The following CERT1 variants were observed in gnomAD, a reference collection of about 807,000 sequenced individuals.
CERT1 encodes the protein ceramide transporter 1.
A neutral mutation model predicts 87.9 loss-of-function variants in CERT1; 31 were observed. The observed-to-expected ratio is 0.35, with a 90% CI of 0.27 to 0.48. CERT1 has a LOEUF of 0.48. Among genes scored for constraint, CERT1 ranks in the 20% least tolerant of loss-of-function variants. CERT1 has a pLI of 0.99. For missense variants in CERT1, 487 were observed against 758.0 expected (o/e 0.64, Z 4.20); for synonymous variants, 289 against 250.9 (o/e 1.15, Z -1.44).
At chr5:75,497,733 C>T (rs929903439) in intron 2 of CERT1, among the ~76,000 whole-genome samples, 3 of 152,058 alleles carry the variant, frequency 2.0e-5, no homozygotes, top group African/African-American at 4.8e-5. Flanking sequence ...AAACTCTTTT[C>T]TTTATAAAAA....
At position 75,434,186 on chromosome 5, in the gene CERT1, G is replaced by GTT. The variant is rs370209071; in HGVS notation, c.349-7710_349-7709dup. On this transcript the variant is annotated intron_variant, in intron 3 of 16. Coordinates refer to ENST00000643780, the MANE Select transcript of CERT1 (RefSeq NM_001379029.1). ...TTCCTTCAATGCCTAGTTTGTTGAG[G>GTT]TTTTTTTTTTTTTTTTTTTATCATG... Among the ~76,000 whole-genome samples the GTT allele has an allele frequency of 6.1e-3, 778 of 126,724 alleles. 11 individuals are homozygous for GTT. The highest frequency in any genetic ancestry group is 0.018 in the African/African-American group (596 of 33,976). 83.1% of individuals were successfully genotyped at this position (126,724 alleles called of 152,430 possible).
chr5:75,485,312 CAAAAAAA>C (rs757349878), intron 2 of CERT1, among the ~76,000 whole-genome samples: 7 of 46,438 alleles, frequency 1.5e-4, no homozygotes, highest in Non-Finnish European at 1.9e-4. Context: ...CACAAAAATA[CAAAAAAA>C]AAAAAAAAAA....
chr5:75,510,143 C>G (rs1376054022), intron 1 of CERT1, among the ~76,000 whole-genome samples: 1 of 152,166 alleles, frequency 6.6e-6, no homozygotes, highest in Non-Finnish European at 1.5e-5. Flanking sequence ...CTGCACATGA[C>G]ATAGTATCTT....
At chr5:75,421,394 TCAATCATC>T (rs1763373566) in intron 5 of CERT1, among the ~76,000 whole-genome samples, 1 of 152,222 alleles carries the variant, frequency 6.6e-6, no homozygotes, top group Non-Finnish European at 1.5e-5. Flanking sequence ...GAAAATGTTG[TCAATCATC>T]TATAACAACT....
chr5:75,459,422 A>G (rs1169801077), intron 2 of CERT1, among the ~76,000 whole-genome samples: 1 of 152,218 alleles, frequency 6.6e-6, no homozygotes, highest in African/African-American at 2.4e-5. Flanking sequence ...ATCTATTTCT[A>G]AAACAGAGCT....
At chr5:75,379,524 T>A in intron 16 of CERT1, 51 bp from the exon 17 acceptor site, 1 of 1,503,814 alleles carries the variant, frequency 6.6e-7, no homozygotes, top group South Asian at 1.2e-5. Flanking sequence ...TCTCCAAACA[T>A]ATGTGAAGCA....
At chr5:75,462,789 C>G (rs946911928) in intron 2 of CERT1, among the ~76,000 whole-genome samples, 1 of 151,864 alleles carries the variant, frequency 6.6e-6, no homozygotes, top group African/African-American at 2.4e-5. Context: ...GTCAGGAGAT[C>G]GAGACCATCT....
chr5:75,511,767 C>T, upstream of CERT1: 2 of 1,551,452 alleles, frequency 1.3e-6, no homozygotes, highest in Non-Finnish European at 1.7e-6. Context: ...ACCTCCGGCT[C>T]TCCCGGGTGA....
intron 1 of CERT1, among the ~76,000 whole-genome samples, chr5:75,509,757 A>T (rs985780016): frequency 6.6e-6 from 1 of 152,218 alleles, no homozygotes; most frequent in South Asian, 2.1e-4. Context: ...TACCAAAATC[A>T]CTGAGAAGCA....
chr5:75,499,965 T>C (rs1767269398), intron 2 of CERT1, among the ~76,000 whole-genome samples: 1 of 152,148 alleles, frequency 6.6e-6, no homozygotes, highest in African/African-American at 2.4e-5. Context: ...ATTTAATTAG[T>C]TAGAATGAGA....
At chr5:75,444,958 A>G (rs1580780794) in intron 3 of CERT1, among the ~76,000 whole-genome samples, 2 of 152,190 alleles carry the variant, frequency 1.3e-5, no homozygotes, top group East Asian at 1.9e-4. Context: ...TCCTGAAATT[A>G]TAACACTGTA....
Position 75,497,944 on chromosome 5 carries a change from T to C in CERT1, c.231+8038A>G, listed in dbSNP as rs182926195. 8.4e-3 allele frequency among the ~76,000 whole-genome samples: 1,276 copies of C among 152,264 alleles called. 8 individuals are homozygous for C. Among genetic ancestry groups the C allele is most frequent in the South Asian group, 0.021 (103 of 4,818 alleles). ...AAATGTGGGAAAGTTTGGAACTTCC[T>C]AGAGACTTGTTGAATAGCTTTGACC... On this transcript the variant is annotated intron_variant, in intron 2 of 16. Transcript: ENST00000643780.
intron 5 of CERT1, among the ~76,000 whole-genome samples, chr5:75,423,893 G>T (rs1763492202): frequency 1.3e-5 from 2 of 152,026 alleles, no homozygotes. Context: ...TTCATCCAAA[G>T]AAGGCAGAAA....
rs1761560866 is a variant in CERT1 at position 75,381,060 on chromosome 5, T to A, written c.1747+12A>T. The A allele has an allele frequency of 1.2e-6, 2 of 1,613,502 alleles. No homozygotes were observed. Among genetic ancestry groups the A allele is most frequent in the East Asian group, 4.5e-5 (2 of 44,846 alleles). ...CCACATTATCAAAGAGCAAAAACAA[T>A]AAAATACATACCATTAGCTACATAT... On this transcript the variant is annotated intron_variant, in intron 16 of 16. Transcript: ENST00000643780.
chr5:75,404,114 A>T (rs1027632497), intron 8 of CERT1, among the ~76,000 whole-genome samples: 2 of 152,136 alleles, frequency 1.3e-5, no homozygotes, highest in African/African-American at 4.8e-5. Flanking sequence ...CCAAGTCATC[A>T]TTAGTCCATT....
chr5:75,455,154 G>A (rs1017542824), intron 3 of CERT1, among the ~76,000 whole-genome samples: 1 of 152,144 alleles, frequency 6.6e-6, no homozygotes, highest in Non-Finnish European at 1.5e-5. Context: ...CAACAGAAAG[G>A]GCCCAATTCT....
At chr5:75,434,781 C>A (rs1764019799) in intron 3 of CERT1, among the ~76,000 whole-genome samples, 1 of 152,102 alleles carries the variant, frequency 6.6e-6, no homozygotes, top group Admixed American at 6.5e-5. Context: ...TTTTTGTGCA[C>A]AGAGGTTTTT....
chr5:75,383,574 T>G (rs900583890), intron 14 of CERT1, among the ~76,000 whole-genome samples: 10 of 152,174 alleles, frequency 6.6e-5, no homozygotes, highest in African/African-American at 1.9e-4. Context: ...TTAATTGTTA[T>G]GCATTTCTGA....
At chr5:75,410,470 C>T (rs1021931783) in intron 8 of CERT1, among the ~76,000 whole-genome samples, 5 of 151,988 alleles carry the variant, frequency 3.3e-5, no homozygotes, top group East Asian at 1.9e-4. Flanking sequence ...ATTAGCCAGG[C>T]GTGGTGGCGG....
Sources: allele counts gnomAD v4.1 joint callset (sites outside exome capture counted in the v4.1 genomes callset), GRCh38; gene constraint gnomAD v4.1.1; transcripts MANE v1.5; gene names NCBI Gene and HGNC (gene_info 2026-07-23, HGNC 2026-07-21).